SLMAP: variants seen among roughly 807,000 people sequenced by gnomAD.
SLMAP encodes sarcolemma associated protein.
SLMAP carries 44 observed loss-of-function variants against 128.8 expected under a neutral mutation model. The observed-to-expected ratio is 0.34, with a 90% CI of 0.27 to 0.44. The LOEUF is 0.44. Among genes scored for constraint, SLMAP ranks in the 20% least tolerant of loss-of-function variants. The pLI is 1.00. For missense variants in SLMAP, 787 were observed against 985.3 expected, an observed-to-expected ratio of 0.80 and a Z score of 2.69; for synonymous variants, 327 against 348.8, an observed-to-expected ratio of 0.94 and a Z score of 0.70.
At chr3:57,778,902 C>T (rs527822573) in intron 2 of SLMAP, among the ~76,000 whole-genome samples, 17 of 152,154 alleles carry the variant, frequency 1.1e-4, no homozygotes, top group Non-Finnish European at 1.8e-4. Context: ...GGTTACAATG[C>T]TGAATTTCTG....
At chr3:57,803,909 G>A (rs1255107034) in intron 2 of SLMAP, among the ~76,000 whole-genome samples, 2 of 152,110 alleles carry the variant, frequency 1.3e-5, no homozygotes, top group African/African-American at 2.4e-5. Context: ...ATTCTGTCAC[G>A]TGCTTTCTAC....
rs35541333 is a variant in SLMAP, at chr3:57,885,771, C to CTTTTTTTTT, written c.1301-4248_1301-4240dup. Among the ~76,000 whole-genome samples the CTTTTTTTTT allele has an allele frequency of 1.4e-3, 74 of 53,582 alleles. 18 individuals are homozygous for CTTTTTTTTT. Among genetic ancestry groups the CTTTTTTTTT allele is most frequent in the Non-Finnish European group, 2.2e-3 (66 of 30,198 alleles). The allele number at this position is 53,582 out of a possible 152,430, so 35.2% of individuals were successfully genotyped here. A position where few individuals can be genotyped will look rare whatever the true frequency, so the allele number is the denominator to read the frequency against. On this transcript the variant is annotated intron_variant, in intron 14 of 24. Transcript: ENST00000671191. ...TTGTTTTGCTTTTCGGTTTTTGGTT[C>CTTTTTTTTT]TTTTTTTTTTTTTTTTTTTTTTTTT...
intron 2 of SLMAP, among the ~76,000 whole-genome samples, chr3:57,808,882 C>A (rs755419494): frequency 2.0e-5 from 3 of 152,176 alleles, no homozygotes; most frequent in Non-Finnish European, 4.4e-5. Context: ...TATTATGTAG[C>A]AGTCTAAGTC....
At chr3:57,920,325 G>T (rs1478381920) in intron 22 of SLMAP, among the ~76,000 whole-genome samples, 1 of 152,180 alleles carries the variant, frequency 6.6e-6, no homozygotes, top group African/African-American at 2.4e-5. Flanking sequence ...TTGTGGGAAT[G>T]TTGTTAGGTA....
chr3:57,826,127 C>T (rs1327734030), intron 2 of SLMAP, among the ~76,000 whole-genome samples: 4 of 152,184 alleles, frequency 2.6e-5, no homozygotes, highest in Non-Finnish European at 2.9e-5. Flanking sequence ...TCTTGTGAGC[C>T]TTCTAATTTG....
chr3:57,842,810 C>T (rs2094003857), intron 4 of SLMAP, among the ~76,000 whole-genome samples: 1 of 152,092 alleles, frequency 6.6e-6, no homozygotes, highest in Non-Finnish European at 1.5e-5. Context: ...TATAGTTATA[C>T]ATAATCTAAC....
chr3:57,768,046 T>C (rs2080089770), intron 2 of SLMAP, among the ~76,000 whole-genome samples: 1 of 152,214 alleles, frequency 6.6e-6, no homozygotes, highest in Non-Finnish European at 1.5e-5. Flanking sequence ...GCAAACTGAT[T>C]TGGCTTTGGG....
chr3:57,789,600 A>G lies in SLMAP; in HGVS notation c.198+31751A>G, dbSNP rs188156617. Among the ~76,000 whole-genome samples the G allele has an allele frequency of 2.0e-5, 3 of 152,310 alleles. No homozygotes were observed. The East Asian group carries it at 5.8e-4, about 29-fold the overall frequency. On this transcript the variant is annotated intron_variant, in intron 2 of 24. Coordinates refer to ENST00000671191, the MANE Select transcript of SLMAP (RefSeq NM_001377540.1). ...AACTGGATTTTACAAGGAAGTACAC[A>G]GATGAGCCTAGAAGAGAGTTCATAA...
At chr3:57,824,813 G>A (rs1430920355) in intron 2 of SLMAP, among the ~76,000 whole-genome samples, 2 of 152,134 alleles carry the variant, frequency 1.3e-5, no homozygotes, top group Non-Finnish European at 2.9e-5. Flanking sequence ...TTTTGATAGG[G>A]ATTGTGCCGG....
chr3:57,893,534 C>T (rs896369978), intron 15 of SLMAP, among the ~76,000 whole-genome samples: 4 of 151,950 alleles, frequency 2.6e-5, no homozygotes, highest in Non-Finnish European at 5.9e-5. Flanking sequence ...TTTAAGGCAA[C>T]TTTACCTTCC....
chr3:57,897,136 A>G, intron 17 of SLMAP: 1 of 1,333,834 alleles, frequency 7.5e-7, no homozygotes, highest in South Asian at 2.4e-5. Flanking sequence ...TGGATCAGTC[A>G]AGATTACGAG....
intron 17 of SLMAP, chr3:57,898,191 A>T (rs1465702655): frequency 1.3e-5 from 2 of 152,200 alleles, no homozygotes; most frequent in Non-Finnish European, 1.5e-5. Context: ...TGGTGTTGAT[A>T]AGACATGCTT....
At position 57,927,592 on chromosome 3, in the gene SLMAP, A is replaced by C. The variant is rs1338905501; in HGVS notation, c.*303A>C. The C allele has an allele frequency of 1.6e-5, 5 of 310,594 alleles. No homozygotes were observed. In the Admixed American group the frequency reaches 2.0e-4, roughly 12 times the overall value. 19.2% of individuals were successfully genotyped at this position (310,594 alleles called of 1,614,324 possible). ...AAAATTGTGACTTTATTCTACTGTA[A>C]GCAATAATTTGCTTGCAATTTTTCA... On this transcript the variant is annotated 3_prime_UTR_variant, in exon 25 of 25. Coordinates refer to ENST00000671191, the MANE Select transcript of SLMAP (RefSeq NM_001377540.1).
intron 6 of SLMAP, among the ~76,000 whole-genome samples, chr3:57,851,367 T>C (rs369539889): frequency 6.8e-6 from 1 of 146,598 alleles, no homozygotes; most frequent in African/African-American, 2.6e-5. Flanking sequence ...TTTTTTTTTT[T>C]CTGGTTTTTG....
At chr3:57,833,309 C>T (rs1009620280) in intron 3 of SLMAP, among the ~76,000 whole-genome samples, 2 of 152,142 alleles carry the variant, frequency 1.3e-5, no homozygotes, top group African/African-American at 4.8e-5. Context: ...CTGTTTTTTC[C>T]CATCTATCTG....
At chr3:57,842,378 T>C (rs1180589865) in intron 4 of SLMAP, among the ~76,000 whole-genome samples, 1 of 152,132 alleles carries the variant, frequency 6.6e-6, no homozygotes, top group South Asian at 2.1e-4. Context: ...TGAAGTAATA[T>C]CGTAAATTTA....
intron 14 of SLMAP, among the ~76,000 whole-genome samples, chr3:57,881,169 G>A (rs1285629736): frequency 6.6e-6 from 1 of 151,990 alleles, no homozygotes; most frequent in Non-Finnish European, 1.5e-5. Flanking sequence ...ACTCCAGCCT[G>A]GATGACAGAG....
intron 17 of SLMAP, among the ~76,000 whole-genome samples, chr3:57,905,308 G>T (rs1336099746): frequency 6.6e-6 from 1 of 151,798 alleles, no homozygotes; most frequent in African/African-American, 2.4e-5. Context: ...TTGATACAGA[G>T]TCTCACTCTG....
rs73088364 is a variant in SLMAP, at chr3:57,832,264, G to A, written c.346+734G>A. ...AGATCAGTTTTGATTTATTCCTTCA[G>A]GTTGTGTGTACATTGTTACCCCAAA... On this transcript the variant is annotated intron_variant, in intron 3 of 24. Coordinates refer to ENST00000671191, the MANE Select transcript of SLMAP (RefSeq NM_001377540.1). Among the ~76,000 whole-genome samples, 1,009 of 152,230 alleles carry A rather than the reference G, an allele frequency of 6.6e-3. 7 individuals carry two copies. Among genetic ancestry groups the A allele is most frequent in the Middle Eastern group, 0.02 (6 of 294 alleles).
Sources: allele counts gnomAD v4.1 joint callset (sites outside exome capture counted in the v4.1 genomes callset), GRCh38; gene constraint gnomAD v4.1.1; transcripts MANE v1.5; gene names NCBI Gene and HGNC (gene_info 2026-07-23, HGNC 2026-07-21).